CYP7A1: variants seen among roughly 807,000 people sequenced by gnomAD.
The protein encoded by CYP7A1 is cytochrome P450 7A1.
Under a neutral mutation model 43.8 loss-of-function variants are expected in CYP7A1, and 28 were observed. The ratio of observed to expected loss-of-function variants is 0.64; its 90% CI spans 0.47 to 0.88. The LOEUF (loss-of-function observed/expected upper bound fraction) is 0.88. Ranked by LOEUF, CYP7A1 falls within the 40% of genes least tolerant of loss-of-function variation. The probability of loss-of-function intolerance (pLI) is 0.00; values close to 1 mark genes in which losing one functional copy is unlikely to be tolerated. For missense variants in CYP7A1, 637 were observed against 611.9 expected, an observed-to-expected ratio of 1.04 and a Z score of -0.43; for synonymous variants, 227 against 222.5, an observed-to-expected ratio of 1.02 and a Z score of -0.18.
intron 3 of CYP7A1, 143 bp downstream of exon 3, chr8:58,496,461 G>A: frequency 1.5e-6 from 1 of 662,432 alleles, no homozygotes. Context: ...ACTCATATAT[G>A]TTAAACACTA....
rs945881161 is a variant in CYP7A1, at chr8:58,491,303, C to T, written c.*172G>A. ...TCACTAGCAGAGTCTGTGATAGCAT[C>T]TGGAAACTGTCACCAAAATGTTAAG... On this transcript the variant is annotated 3_prime_UTR_variant, in exon 6 of 6. Coordinates refer to ENST00000301645, the MANE Select transcript of CYP7A1 (RefSeq NM_000780.4). 21 of 653,872 alleles carry T rather than the reference C, an allele frequency of 3.2e-5. No individual in the cohort carries two copies. Among genetic ancestry groups the T allele is most frequent in the Admixed American group, 2.6e-4 (10 of 38,944 alleles). The allele number at this position is 653,872 out of a possible 1,614,324, so 40.5% of individuals were successfully genotyped here.
Position 58,491,623 on chromosome 8 carries a change from T to C in CYP7A1, c.1367A>G (p.Gln456Arg). Reference sequence around the variant, plus strand: ...ATAAGAAAGCATCAGAATCAAAAATTGCTTGATTTCGTGGATAGCGAACAA... The same window carrying C: ...ATAAGAAAGCATCAGAATCAAAAATCGCTTGATTTCGTGGATAGCGAACAA... ...GRLFAIHEIK[Q>R]FLILMLSYFE... Residue 456 changes from glutamine to arginine, a missense_variant, in exon 6 of 6, where the codon CAA (glutamine) becomes CGA (arginine). Transcript: ENST00000301645. 4 of 1,614,214 alleles carry C rather than the reference T, an allele frequency of 2.5e-6. No homozygotes were observed. Among genetic ancestry groups the C allele is most frequent in the Non-Finnish European group, 3.4e-6 (4 of 1,180,034 alleles).
intron 1 of CYP7A1, among the ~76,000 whole-genome samples, chr8:58,499,289 T>C (rs900297352): frequency 6.6e-6 from 1 of 152,226 alleles, no homozygotes; most frequent in Non-Finnish European, 1.5e-5. Flanking sequence ...AGCTGAAAGA[T>C]GGTTAGGGTT....
Position 58,498,323 on chromosome 8 carries a change from A to G in CYP7A1, c.227T>C (p.Val76Ala). 1 of 1,614,116 alleles carries G rather than the reference A, an allele frequency of 6.2e-7. No homozygotes were observed. Residue 76 changes from valine (V) to alanine (A), a missense_variant, in exon 2 of 6, where the codon GTC becomes GCC. By Grantham distance (64) the Val-to-Ala change is moderately conservative. Coordinates refer to ENST00000301645, the MANE Select transcript of CYP7A1 (RefSeq NM_000780.4). ...TGACAAGGGATTTGTGATGAAATGG[A>G]CATATTTTCCCATTAGTTTGCAGGT... ...VFTCKLMGKY[V>A]HFITNPLSYH...
intron 4 of CYP7A1, among the ~76,000 whole-genome samples, chr8:58,493,991 C>A (rs1809399604): frequency 6.6e-6 from 1 of 152,002 alleles, no homozygotes; most frequent in African/African-American, 2.4e-5. Context: ...CAGAACAAGA[C>A]TTTGTCAAAA....
At chr8:58,495,626 A>T (rs536106654) in intron 3 of CYP7A1, among the ~76,000 whole-genome samples, 1 of 152,330 alleles carries the variant, frequency 6.6e-6, no homozygotes, top group East Asian at 1.9e-4. Context: ...AAAATGTTTG[A>T]TAAGTATTTG....
At chr8:58,493,053 G>A (rs948814565) in intron 4 of CYP7A1, among the ~76,000 whole-genome samples, 1 of 152,206 alleles carries the variant, frequency 6.6e-6, no homozygotes, top group African/African-American at 2.4e-5. Flanking sequence ...TTACAGGTGT[G>A]AGTCACCGTG....
Position 58,498,227 on chromosome 8 carries a change from A to G in CYP7A1, c.321+2T>C, listed in dbSNP as rs1269319211. The stretch of plus-strand genomic sequence containing the variant: ...ATGGTATATAAATGTAAAACTGCTT[A>G]CCTTCGCAGAAGTAGCAAAGTGAAA... On this transcript the variant is annotated splice_donor_variant, in intron 2 of 5. Coordinates refer to ENST00000301645, the MANE Select transcript of CYP7A1 (RefSeq NM_000780.4). LOFTEE classifies it high-confidence loss of function. The G allele has an allele frequency of 3.7e-6, 6 of 1,613,936 alleles. No homozygotes were observed. The African/African-American group carries it at 6.7e-5, about 18-fold the overall frequency.
intron 3 of CYP7A1, among the ~76,000 whole-genome samples, chr8:58,495,348 C>T (rs945427041): frequency 2.6e-5 from 4 of 151,698 alleles, no homozygotes; most frequent in African/African-American, 9.7e-5. Flanking sequence ...GCCTCAGCCT[C>T]CCGAGTAGCT....
intron 2 of CYP7A1, among the ~76,000 whole-genome samples, chr8:58,497,513 ATTTCTT>A (rs903690309): frequency 2.0e-5 from 3 of 151,924 alleles, no homozygotes; most frequent in Non-Finnish European, 2.9e-5. Context: ...TTATTTGTAG[ATTTCTT>A]TTTCTTTTTC....
At chr8:58,499,589 A>G (rs1291229828) in intron 1 of CYP7A1, among the ~76,000 whole-genome samples, 1 of 152,206 alleles carries the variant, frequency 6.6e-6, no homozygotes, top group Non-Finnish European at 1.5e-5. Flanking sequence ...ATGCACAAGA[A>G]TGAGCTTAAA....
At chr8:58,496,287 G>T (rs746732688) in intron 3 of CYP7A1, among the ~76,000 whole-genome samples, 110 of 152,326 alleles carry the variant, frequency 7.2e-4, no homozygotes, top group Non-Finnish European at 7.3e-4. Flanking sequence ...GAACAGTATG[G>T]GGTTAAGAGC....
intron 2 of CYP7A1, 148 bp from the exon 3 acceptor site, chr8:58,497,338 C>A: frequency 1.4e-6 from 1 of 728,442 alleles, no homozygotes; most frequent in East Asian, 2.7e-5. Context: ...TAGCACTTTA[C>A]AAATAAATGA....
chr8:58,493,709 C>T (rs1392003177), intron 4 of CYP7A1, among the ~76,000 whole-genome samples: 2 of 152,108 alleles, frequency 1.3e-5, no homozygotes, highest in Admixed American at 6.5e-5. Context: ...ATAAACATAT[C>T]ATATTGTTGG....
At chr8:58,495,091 G>A (rs1295337920) in intron 3 of CYP7A1, among the ~76,000 whole-genome samples, 3 of 150,894 alleles carry the variant, frequency 2.0e-5, no homozygotes, top group Admixed American at 6.6e-5. Flanking sequence ...CCATGATCGT[G>A]CCACTGCATT....
At position 58,492,310 on chromosome 8, in the gene CYP7A1, T is replaced by C. The variant is rs780054084; in HGVS notation, c.1215+43A>G. ...AATTTCCTCTTTATTTAGATCTAGG[T>C]AGCTATCACCTGGATATTGAATTTC... On this transcript the variant is annotated intron_variant, in intron 5 of 5. Transcript: ENST00000301645. The C allele has an allele frequency of 6.3e-6, 9 of 1,436,648 alleles. No individual in the cohort carries two copies. In the African/African-American group the frequency reaches 9.8e-5, roughly 16 times the overall value. 89.0% of individuals were successfully genotyped at this position (1,436,648 alleles called of 1,614,324 possible).
At chr8:58,499,721 C>T (rs1296894035) in intron 1 of CYP7A1, among the ~76,000 whole-genome samples, 2 of 152,072 alleles carry the variant, frequency 1.3e-5, no homozygotes, top group African/African-American at 4.8e-5. Context: ...TTTAGATACA[C>T]ATATAAATGT....
At chr8:58,497,278 G>T in intron 2 of CYP7A1, 88 bp from the exon 3 acceptor site, 2 of 1,105,212 alleles carry the variant, frequency 1.8e-6, no homozygotes, top group Non-Finnish European at 2.7e-6. Context: ...TACTTTCATA[G>T]TTCCTTACTT....
chr8:58,491,581 A>C lies in CYP7A1; in HGVS notation c.1409T>G (p.Ile470Arg). 1.9e-6 allele frequency: 3 copies of C among 1,614,202 alleles called. No individual in the cohort carries two copies. In the South Asian group the frequency reaches 3.3e-5, roughly 18 times the overall value. Residue 470 changes from isoleucine to arginine, a missense_variant, in exon 6 of 6, where the codon ATA becomes AGA. Transcript: ENST00000301645. The part of the protein sequence containing the change: ...LMLSYFELEL[I>R]EGQAKCPPLD... ...AGGTGGACATTTAGCTTGGCCCTCT[A>C]TAAGCTCCAATTCAAAATAAGAAAG...
Sources: allele counts gnomAD v4.1 joint callset (sites outside exome capture counted in the v4.1 genomes callset), GRCh38; gene constraint gnomAD v4.1.1; transcripts MANE v1.5; gene names NCBI Gene and HGNC (gene_info 2026-07-23, HGNC 2026-07-21).